Variants in FOCAD observed in about 807,000 individuals in gnomAD.
FOCAD encodes the protein KIAA1797.
A neutral mutation model predicts 225.6 loss-of-function variants in FOCAD; 198 were observed. The observed-to-expected ratio is 0.88, with a 90% CI of 0.78 to 0.99. The LOEUF (loss-of-function observed/expected upper bound fraction) is 0.99. FOCAD is among the 50% of genes least tolerant of loss of function. FOCAD has a pLI of 0.00. For synonymous variants in FOCAD, 897 were observed against 755.0 expected, an observed-to-expected ratio of 1.19 and a Z score of -3.08; for missense variants, 2,713 against 2,123.6, an observed-to-expected ratio of 1.28 and a Z score of -5.46.
intron 21 of FOCAD, among the ~76,000 whole-genome samples, chr9:20,904,318 T>C (rs1054913516): frequency 6.6e-6 from 1 of 151,978 alleles, no homozygotes; most frequent in African/African-American, 2.4e-5. Context: ...TGTTTAGCTT[T>C]CTGAGGAACC....
chr9:20,866,917 T>TTTTTTAAAAAAA lies in FOCAD; in HGVS notation c.2107-12_2107-11insTTTTTAAAAAAA. On this transcript the variant is annotated splice_polypyrimidine_tract_variant and intron_variant, in intron 17 of 43. Coordinates refer to ENST00000338382, the MANE Select transcript of FOCAD (RefSeq NM_001375567.1). ...TTTTTTTTTTTTTTTTTTTTTTTTT[T>TTTTTTAAAAAAA]ACCCTATCTAGGACCCAATTGTAGC... The TTTTTTAAAAAAA allele has an allele frequency of 3.9e-6, 3 of 764,970 alleles. No homozygotes were observed. Among genetic ancestry groups the TTTTTTAAAAAAA allele is most frequent in the Non-Finnish European group, 6.0e-6 (3 of 498,466 alleles). 47.4% of individuals were successfully genotyped at this position (764,970 alleles called of 1,614,324 possible).
intron 21 of FOCAD, among the ~76,000 whole-genome samples, chr9:20,899,988 T>A (rs1832426553): frequency 6.6e-6 from 1 of 151,914 alleles, no homozygotes; most frequent in African/African-American, 2.4e-5. Context: ...TCATTTCAGA[T>A]GTGCTAGGGC....
intron 6 of FOCAD, among the ~76,000 whole-genome samples, chr9:20,760,133 C>G (rs1053734615): frequency 7.2e-5 from 11 of 152,130 alleles, no homozygotes; most frequent in African/African-American, 2.4e-4. Flanking sequence ...CTCTAAACAT[C>G]CCTCAGAAGG....
intron 2 of FOCAD, among the ~76,000 whole-genome samples, chr9:20,661,673 C>G (rs1405386092): frequency 1.3e-5 from 2 of 152,158 alleles, no homozygotes; most frequent in Non-Finnish European, 2.9e-5. Context: ...GCCATTGTGT[C>G]TAATTTTCAT....
intron 6 of FOCAD, among the ~76,000 whole-genome samples, chr9:20,760,097 C>G (rs1295140377): frequency 1.3e-5 from 2 of 152,172 alleles, no homozygotes; most frequent in Admixed American, 6.5e-5. Context: ...GTCTCTGCCT[C>G]CAGTCTTGTC....
intron 35 of FOCAD, among the ~76,000 whole-genome samples, chr9:20,966,519 G>A (rs547887488): frequency 1.3e-5 from 2 of 151,984 alleles, no homozygotes; most frequent in East Asian, 1.9e-4. Context: ...TTTTAACTTC[G>A]ACAGAGTCCA....
rs761225354 is a variant in FOCAD, at chr9:20,981,582, G to A, written c.4534G>A (p.Gly1512Ser). The change falls in exon 38 of 44, where the codon GGT becomes AGT. Residue 1512 changes from glycine to serine, a missense_variant. Transcript: ENST00000338382. ...TGAGCTATGCCCAAGTGCTTTACAC[G>A]GTCTGAGCCAGGCCATGAAACTGCC... ...SPELCPSALH[G>S]LSQAMKLPSP... 2.5e-5 allele frequency: 41 copies of A among 1,613,942 alleles called. No homozygotes were observed. The highest frequency in any genetic ancestry group is 2.7e-5 in the African/African-American group (2 of 74,956).
intron 8 of FOCAD, among the ~76,000 whole-genome samples, chr9:20,775,533 C>T (rs1387318724): frequency 2.6e-5 from 4 of 152,302 alleles, no homozygotes; most frequent in South Asian, 2.1e-4. Context: ...GAACAGAGTA[C>T]GTAGCAAAGT....
At chr9:20,739,667 C>T (rs1037254400) in intron 4 of FOCAD, among the ~76,000 whole-genome samples, 1 of 150,246 alleles carries the variant, frequency 6.7e-6, no homozygotes, top group South Asian at 2.1e-4. Context: ...CTAAGATTTT[C>T]TTTATATTTT....
chr9:20,789,647 G>A, intron 11 of FOCAD, 39 bp downstream of exon 11: 1 of 1,601,118 alleles, frequency 6.2e-7, no homozygotes, highest in Admixed American at 1.7e-5. Flanking sequence ...TGAGAGGAAA[G>A]CTTAATCATT....
intron 21 of FOCAD, chr9:20,896,981 G>T (rs1346537131): frequency 1.3e-5 from 2 of 151,768 alleles, no homozygotes; most frequent in Non-Finnish European, 2.9e-5. Context: ...GTCCATTTCT[G>T]AGAGAGAAGT....
At chr9:20,788,458 A>G (rs1352286152) in intron 10 of FOCAD, among the ~76,000 whole-genome samples, 13 of 152,230 alleles carry the variant, frequency 8.5e-5, no homozygotes, top group Admixed American at 8.5e-4. Flanking sequence ...CTTTTATAGT[A>G]TGCAAATTAT....
In FOCAD at chr9:20,787,625, C is replaced by T. The variant is rs1046875911; in HGVS notation, c.1198-1726C>T. Among the ~76,000 whole-genome samples the T allele has an allele frequency of 6.6e-5, 10 of 152,102 alleles. No individual in the cohort carries two copies. In the East Asian group the frequency reaches 1.7e-3, roughly 26 times the overall value. On this transcript the variant is annotated intron_variant, in intron 10 of 43. Coordinates refer to ENST00000338382, the MANE Select transcript of FOCAD (RefSeq NM_001375567.1). The stretch of plus-strand genomic sequence containing the variant: ...AACTTTCTTGAAATAGTAATATATT[C>T]AAATGGTTCAGACAGTAGAAAATTG...
chr9:20,762,769 AC>A (rs1829722635), intron 6 of FOCAD, among the ~76,000 whole-genome samples: 1 of 151,966 alleles, frequency 6.6e-6, no homozygotes, highest in African/African-American at 2.4e-5. Flanking sequence ...TGATTCTGTC[AC>A]CCCGTAGTGA....
intron 22 of FOCAD, among the ~76,000 whole-genome samples, chr9:20,909,631 TGACAA>T (rs1427601431): frequency 6.6e-6 from 1 of 151,856 alleles, no homozygotes; most frequent in African/African-American, 2.4e-5. Context: ...TGAGAATTGG[TGACAA>T]AAGAAGAGAA....
At chr9:20,932,270 A>C (rs776171897) in intron 27 of FOCAD, among the ~76,000 whole-genome samples, 4 of 152,248 alleles carry the variant, frequency 2.6e-5, no homozygotes, top group Non-Finnish European at 4.4e-5. Context: ...ATGTTTAAAA[A>C]AGTGCTCTCT....
intron 41 of FOCAD, among the ~76,000 whole-genome samples, chr9:20,988,913 A>C (rs1841419702): frequency 6.6e-6 from 1 of 152,192 alleles, no homozygotes; most frequent in African/African-American, 2.4e-5. Flanking sequence ...TATGTGTGCC[A>C]ATACTTATGT....
At chr9:20,887,708 G>A (rs1831218129) in intron 21 of FOCAD, among the ~76,000 whole-genome samples, 1 of 152,136 alleles carries the variant, frequency 6.6e-6, no homozygotes, top group South Asian at 2.1e-4. Flanking sequence ...AAATACCTAG[G>A]AGTGAGAGTG....
At chr9:20,956,992 C>A (rs1564202460) in intron 35 of FOCAD, among the ~76,000 whole-genome samples, 1 of 152,176 alleles carries the variant, frequency 6.6e-6, no homozygotes, top group South Asian at 2.1e-4. Flanking sequence ...CCGTGCCTGG[C>A]CTGTATTTTT....
Sources: gnomAD v4.1 joint callset for allele counts (sites outside exome capture counted in the v4.1 genomes callset) on GRCh38, gnomAD v4.1.1 for gene constraint, MANE v1.5 for transcripts, NCBI Gene and HGNC (gene_info 2026-07-23, HGNC 2026-07-21) for gene names.